The following ATP1A2 variants were observed in gnomAD, a reference collection of about 807,000 sequenced individuals.
The protein encoded by ATP1A2 is ATPase Na+/K+ transporting subunit alpha 2.
ATP1A2 carries 56 observed loss-of-function variants against 113.1 expected under a neutral mutation model. The observed-to-expected ratio is 0.49, with a 90% CI of 0.40 to 0.62. ATP1A2 has a LOEUF of 0.62. Ranked by LOEUF, ATP1A2 falls within the 20% of genes least tolerant of loss-of-function variation. The pLI, the probability that ATP1A2 is intolerant of heterozygous loss-of-function variation, is 0.00. For missense variants in ATP1A2, 712 were observed against 1,357.8 expected (o/e 0.52, Z 7.47); for synonymous variants, 490 against 526.8 (o/e 0.93, Z 0.96).
In ATP1A2 at chr1:160,118,010, G is replaced by A. The variant is rs567547854; in HGVS notation, c.12+2137G>A. 2.6e-3 allele frequency among the ~76,000 whole-genome samples: 402 copies of A among 152,146 alleles called. 2 individuals are homozygous for A. Among genetic ancestry groups the A allele is most frequent in the Admixed American group, 3.6e-3 (55 of 15,292 alleles). Reference sequence around the variant, plus strand: ...CTCTTTCTTTCTTGCCTGGGCAGCCGCTGGCCCCAAATCTCTGCAGGCTCC... The same window carrying A: ...CTCTTTCTTTCTTGCCTGGGCAGCCACTGGCCCCAAATCTCTGCAGGCTCC... On this transcript the variant is annotated intron_variant, in intron 1 of 22. Coordinates refer to ENST00000361216, the MANE Select transcript of ATP1A2 (RefSeq NM_000702.4).
At chr1:160,136,838 C>T in intron 19 of ATP1A2, 63 bp from the exon 20 acceptor site, 1 of 1,614,158 alleles carries the variant, frequency 6.2e-7, no homozygotes, top group African/African-American at 1.3e-5. Context: ...AGAAACCATG[C>T]TACCTTCTGG....
chr1:160,128,376 T>C (rs1265321591), intron 8 of ATP1A2: 2 of 837,044 alleles, frequency 2.4e-6, no homozygotes, highest in Non-Finnish European at 3.8e-6. Context: ...CCCTTCTGTG[T>C]TGATGACTCA....
intron 6 of ATP1A2, 119 bp downstream of exon 6, chr1:160,124,549 C>T (rs1651523208): frequency 2.1e-6 from 3 of 1,454,262 alleles, no homozygotes; most frequent in Non-Finnish European, 2.8e-6. Flanking sequence ...CAACACCATG[C>T]CTATGCCCCT....
Position 160,135,064 on chromosome 1 carries a change from G to T in ATP1A2, c.1965-81G>T. The stretch of plus-strand genomic sequence containing the variant: ...GCTCAGCAGGGAGCCTGCAGGCTGC[G>T]GTGGTGAAGAGAGGCAGGGGGCAGG... On this transcript the variant is annotated intron_variant, in intron 14 of 22. Transcript: ENST00000361216. This position sits in a 1 kb window ranked among gnomAD's most constrained non-coding sequence, Gnocchi z 6.3. 2 of 1,586,332 alleles carry T rather than the reference G, an allele frequency of 1.3e-6. No homozygotes were observed. Among genetic ancestry groups the T allele is most frequent in the Admixed American group, 1.7e-5 (1 of 58,004 alleles).
intron 20 of ATP1A2, among the ~76,000 whole-genome samples, chr1:160,138,285 C>T (rs1371332247): frequency 6.6e-6 from 1 of 152,222 alleles, no homozygotes; most frequent in African/African-American, 2.4e-5. Context: ...ACCAGGCTTA[C>T]TAATGTGTCA....
Position 160,135,781 on chromosome 1 carries a change from G to A in ATP1A2, c.2285-58G>A, listed in dbSNP as rs112600067. ...GAAGACAGGCAGCCATGCTTCAGGG[G>A]CTGGGGGTGGGGAAGAGTCCCTCTG... On this transcript the variant is annotated intron_variant, in intron 16 of 22. Coordinates refer to ENST00000361216, the MANE Select transcript of ATP1A2 (RefSeq NM_000702.4). The surrounding 1 kb of genome is among the most constrained non-coding windows in gnomAD (Gnocchi z 6.3). The A allele has an allele frequency of 1.3e-4, 207 of 1,613,452 alleles. No homozygotes were observed. In the African/African-American group the frequency reaches 2.3e-3, roughly 18 times the overall value.
intron 20 of ATP1A2, among the ~76,000 whole-genome samples, chr1:160,138,563 C>T (rs1047657064): frequency 6.6e-6 from 1 of 152,030 alleles, no homozygotes; most frequent in South Asian, 2.1e-4. Context: ...ATGGAGTAGC[C>T]GGGGACAGTG....
intron 7 of ATP1A2, among the ~76,000 whole-genome samples, chr1:160,126,109 G>A (rs371801522): frequency 6.6e-6 from 1 of 151,990 alleles, no homozygotes; most frequent in African/African-American, 2.4e-5. Flanking sequence ...TCCCTTCTTC[G>A]ACAAGTTGGA....
chr1:160,139,571 C>G (rs1652067125), intron 20 of ATP1A2, 69 bp from the exon 21 acceptor site: 2 of 1,397,002 alleles, frequency 1.4e-6, no homozygotes, highest in Non-Finnish European at 2.0e-6. Flanking sequence ...CCTTGCACCC[C>G]AGGGGTATCC....
At position 160,143,525 on chromosome 1, in the gene ATP1A2, A is replaced by G. The variant is rs1244656781; in HGVS notation, c.*2203A>G. The G allele has an allele frequency of 6.6e-6, 1 of 152,646 alleles. No homozygotes were observed. Among genetic ancestry groups the G allele is most frequent in the Non-Finnish European group, 1.5e-5 (1 of 68,038 alleles). The allele number at this position is 152,646 out of a possible 1,614,324, so 9.5% of individuals were successfully genotyped here. A position where few individuals can be genotyped will look rare whatever the true frequency, so the allele number is the denominator to read the frequency against. ...ATCTTTATTGGTGACCTTTTGTAAG[A>G]CATTAGTTTGAGGTACTACCTATGT... On this transcript the variant is annotated 3_prime_UTR_variant, in exon 23 of 23. Transcript: ENST00000361216.
At position 160,136,336 on chromosome 1, in the gene ATP1A2, T is replaced by C. The variant is rs1330790224; in HGVS notation, c.2529T>C (p.Asn843=). 6.2e-7 allele frequency: 1 copy of C among 1,614,114 alleles called. No individual in the cohort carries two copies. The highest frequency in any genetic ancestry group is 1.7e-5 in the Admixed American group (1 of 60,026). The part of the protein sequence containing the change: ...PRNSQTDKLV[N]ERLISMAYGQ... ...ACTCCCAGACGGACAAGCTGGTGAATGAGAGGCTCATCAGCATGGCCTACG... is the reference window on the plus strand; with the variant it reads ...ACTCCCAGACGGACAAGCTGGTGAACGAGAGGCTCATCAGCATGGCCTACG... The change falls in exon 18 of 23, where the codon AAT becomes AAC. Residue 843 remains asparagine, a synonymous_variant. Transcript: ENST00000361216.
intron 22 of ATP1A2, 98 bp from the exon 23 acceptor site, chr1:160,141,193 TCTC>T: frequency 6.9e-7 from 1 of 1,446,066 alleles, no homozygotes; most frequent in Non-Finnish European, 9.7e-7. Context: ...TCACCAGGCT[TCTC>T]CTTCCACCTG....
chr1:160,118,848 G>T (rs989420060), intron 1 of ATP1A2, among the ~76,000 whole-genome samples: 10 of 152,000 alleles, frequency 6.6e-5, no homozygotes, highest in Non-Finnish European at 1.3e-4. Context: ...TATGAACAAG[G>T]CAGCTGCCAT....
chr1:160,141,550 G>A lies in ATP1A2; in HGVS notation c.*228G>A, dbSNP rs1022835292. On this transcript the variant is annotated 3_prime_UTR_variant, in exon 23 of 23. Coordinates refer to ENST00000361216, the MANE Select transcript of ATP1A2 (RefSeq NM_000702.4). ...AGACACTATGTGTTAGAGTCCCCCC[G>A]ACCAGATCCTTTTCCATCCCACTCC... 110 of 606,628 alleles carry A rather than the reference G, an allele frequency of 1.8e-4. No homozygotes were observed. Among genetic ancestry groups the A allele is most frequent in the South Asian group, 1.6e-3 (88 of 53,830 alleles). The allele number at this position is 606,628 out of a possible 1,614,324, so 37.6% of individuals were successfully genotyped here.
chr1:160,116,168 C>T (rs566941905), intron 1 of ATP1A2, among the ~76,000 whole-genome samples: 47 of 152,070 alleles, frequency 3.1e-4, no homozygotes, highest in African/African-American at 1.1e-3. Flanking sequence ...CATCTCTAGT[C>T]CTTCCCTGCA....
chr1:160,136,195 T>C, intron 17 of ATP1A2, 52 bp from the exon 18 acceptor site: 2 of 1,613,180 alleles, frequency 1.2e-6, no homozygotes, highest in Non-Finnish European at 1.7e-6. Context: ...GCTTCTGTCA[T>C]CTCCTACGTC....
chr1:160,129,013 C>A lies in ATP1A2; in HGVS notation c.1250C>A (p.Thr417Lys). ...TTTGACAAACGATCCCCTACGTGGA[C>A]GGCCCTGTCTCGAATTGCTGGTCTC... is the stretch of plus-strand genomic sequence containing the variant. ...ATFDKRSPTW[T>K]ALSRIAGLCN... Residue 417 changes from threonine to lysine, a missense_variant, in exon 10 of 23, where the codon ACG becomes AAG. Thr to Lys is a moderately conservative substitution (Grantham distance 78). This residue lies in a region of ATP1A2 where 263 missense variants were observed against 380.6 expected (regional missense o/e 0.69). Transcript: ENST00000361216. 1 of 1,609,968 alleles carries A rather than the reference C, an allele frequency of 6.2e-7. No individual in the cohort carries two copies.
chr1:160,131,839 A>G (rs953545237), intron 13 of ATP1A2, among the ~76,000 whole-genome samples: 2 of 152,082 alleles, frequency 1.3e-5, no homozygotes, highest in East Asian at 1.9e-4. Flanking sequence ...CTCAAAAAAA[A>G]AAAAAAAGTA....
At position 160,134,493 on chromosome 1, in the gene ATP1A2, G is replaced by T. The variant is rs1324418290; in HGVS notation, c.1837G>T (p.Val613Leu). Reference protein sequence around the residue: ...CRSAGIKVIMVTGDHPITAKA... With the variant: ...CRSAGIKVIMLTGDHPITAKA... ...CTCTCCTTCCCACTAGGTGATCATG[G>T]TAACCGGGGATCACCCTATCACAGC... Residue 613 changes from valine (V) to leucine (L), a missense_variant, in exon 14 of 23, where the codon GTA becomes TTA. Physicochemically the swap from Val to Leu is conservative, Grantham distance 32 (BLOSUM62 1). Around this residue, in one of 6 missense-constraint regions of ATP1A2, gnomAD observed 263 missense variants for 380.6 expected, o/e 0.69. Transcript: ENST00000361216. 6.2e-7 allele frequency: 1 copy of T among 1,614,048 alleles called. No homozygotes were observed. The highest frequency in any genetic ancestry group is 1.3e-5 in the African/African-American group (1 of 74,890).
Sources: allele counts gnomAD v4.1 joint callset (sites outside exome capture counted in the v4.1 genomes callset), GRCh38; gene constraint gnomAD v4.1.1; regional missense constraint gnomAD v4.1.1; non-coding constraint Gnocchi (gnomAD v3.1); transcripts MANE v1.5; gene names NCBI Gene and HGNC (gene_info 2026-07-23, HGNC 2026-07-21).